The following SAE1 variants were observed in gnomAD, a reference collection of about 807,000 sequenced individuals.
The protein encoded by SAE1 is SUMO-activating enzyme subunit 1.
A neutral mutation model predicts 40.6 loss-of-function variants in SAE1; 11 were observed. The ratio of observed to expected loss-of-function variants is 0.27; its 90% confidence interval spans 0.17 to 0.45. SAE1 has a LOEUF of 0.45. Among genes scored for constraint, SAE1 ranks in the 20% least tolerant of loss-of-function variants. The probability of loss-of-function intolerance (pLI) is 1.00; values close to 1 mark genes in which losing one functional copy is unlikely to be tolerated. For synonymous variants in SAE1, 155 were observed against 154.3 expected (o/e 1.00, Z -0.03); for missense variants, 373 against 427.3 (o/e 0.87, Z 1.12).
intron 6 of SAE1, among the ~76,000 whole-genome samples, chr19:47,195,946 A>T (rs1204683516): frequency 2.8e-5 from 4 of 144,450 alleles, no homozygotes; most frequent in East Asian, 2.0e-4. Flanking sequence ...GTTGCCCAGG[A>T]TTATCTCAAA....
At chr19:47,157,282 CCTTT>C (rs1169912286) in intron 5 of SAE1, among the ~76,000 whole-genome samples, 7 of 152,170 alleles carry the variant, frequency 4.6e-5, no homozygotes, top group Middle Eastern at 3.4e-3. Flanking sequence ...AACTTGGGTG[CCTTT>C]CTTTCTTTTT....
chr19:47,162,254 G>T (rs1415868570), intron 5 of SAE1, among the ~76,000 whole-genome samples: 2 of 151,972 alleles, frequency 1.3e-5, no homozygotes, highest in Non-Finnish European at 2.9e-5. Flanking sequence ...TAAGCATTTG[G>T]GTATGCTCAT....
chr19:47,199,792 A>G (rs780420998), intron 7 of SAE1, among the ~76,000 whole-genome samples: 8 of 152,096 alleles, frequency 5.3e-5, no homozygotes, highest in Non-Finnish European at 1.2e-4. Context: ...CTTCTCACAA[A>G]CTGGTCATTC....
At chr19:47,206,210 A>G (rs759903572) in intron 8 of SAE1, among the ~76,000 whole-genome samples, 59 of 152,168 alleles carry the variant, frequency 3.9e-4, no homozygotes, top group Admixed American at 7.9e-4. Context: ...AGTACTCTGC[A>G]TTCTTCGTTG....
At chr19:47,185,309 T>G (rs1313873777) in intron 6 of SAE1, among the ~76,000 whole-genome samples, 3 of 152,016 alleles carry the variant, frequency 2.0e-5, no homozygotes, top group Non-Finnish European at 2.9e-5. Flanking sequence ...TTCATTTTTA[T>G]TTGTTTACTT....
chr19:47,158,545 G>T (rs2058337574), intron 5 of SAE1, among the ~76,000 whole-genome samples: 1 of 152,170 alleles, frequency 6.6e-6, no homozygotes, highest in African/African-American at 2.4e-5. Flanking sequence ...GTTTGTGTTG[G>T]CATGTGAGGG....
intron 6 of SAE1, 58 bp from the exon 7 acceptor site, chr19:47,197,175 C>T: frequency 6.6e-7 from 1 of 1,519,558 alleles, no homozygotes; most frequent in East Asian, 2.3e-5. Flanking sequence ...TGTGAGCCTC[C>T]ATCTCCAAAA....
intron 8 of SAE1, among the ~76,000 whole-genome samples, chr19:47,207,602 G>C (rs1193980714): frequency 6.6e-6 from 1 of 152,006 alleles, no homozygotes; most frequent in Non-Finnish European, 1.5e-5. Flanking sequence ...TTGTTTCGGG[G>C]GCTGACCCTG....
chr19:47,178,505 A>G (rs1479720154), intron 6 of SAE1, among the ~76,000 whole-genome samples: 1 of 152,162 alleles, frequency 6.6e-6, no homozygotes, highest in Admixed American at 6.5e-5. Flanking sequence ...GACAGAGTCT[A>G]GCTTTGTTGC....
chr19:47,134,698 A>G (rs2058167976), intron 1 of SAE1, among the ~76,000 whole-genome samples: 1 of 152,100 alleles, frequency 6.6e-6, no homozygotes, highest in African/African-American at 2.4e-5. Context: ...GAAGTGGGGC[A>G]AAGTTGGTGA....
intron 5 of SAE1, among the ~76,000 whole-genome samples, chr19:47,160,342 C>T (rs571537667): frequency 3.0e-4 from 45 of 149,752 alleles, no homozygotes; most frequent in African/African-American, 9.6e-4. Context: ...CTGCGTTAGC[C>T]TTCCGAGTAG....
chr19:47,186,748 G>A (rs1008055253), intron 6 of SAE1, among the ~76,000 whole-genome samples: 31 of 152,320 alleles, frequency 2.0e-4, no homozygotes, highest in African/African-American at 7.5e-4. Flanking sequence ...GATGCCTGGT[G>A]AGGTCATAGA....
In SAE1 at chr19:47,143,480, T is replaced by C. The variant is rs369007842; in HGVS notation, c.99-14T>C. The C allele has an allele frequency of 8.3e-5, 133 of 1,597,094 alleles. No homozygotes were observed. The African/African-American group carries it at 1.7e-3, about 20-fold the overall frequency. On this transcript the variant is annotated splice_polypyrimidine_tract_variant and intron_variant, in intron 1 of 8. Transcript: ENST00000270225. ...CTGTTCTGTATCATCAGGTTAACAA[T>C]GTTTGTCTTACAGGCTGCGGGCCTC... is the stretch of plus-strand genomic sequence containing the variant.
At chr19:47,182,496 T>TGTGTGTGTGTGCGCGC (rs143321323) in intron 6 of SAE1, among the ~76,000 whole-genome samples, 81 of 146,034 alleles carry the variant, frequency 5.5e-4, no homozygotes, top group Admixed American at 3.7e-3. Flanking sequence ...TGTGTGTGTG[T>TGTGTGTGTGTGCGCGC]GCGCGCACGC....
chr19:47,182,492 T>TGCGCGCGCACGCAC (rs772312425), intron 6 of SAE1, among the ~76,000 whole-genome samples: 2 of 140,320 alleles, frequency 1.4e-5, no homozygotes, highest in African/African-American at 2.9e-5. Context: ...TGTGTGTGTG[T>TGCGCGCGCACGCAC]GTGTGCGCGC....
At chr19:47,200,464 A>AT (rs1231430511) in intron 7 of SAE1, among the ~76,000 whole-genome samples, 1 of 84,736 alleles carries the variant, frequency 1.2e-5, no homozygotes, top group Non-Finnish European at 2.3e-5. Context: ...GCTGTTTCCT[A>AT]TTTTTTAAAG....
At chr19:47,157,309 AG>A (rs2058330549) in intron 5 of SAE1, among the ~76,000 whole-genome samples, 1 of 152,206 alleles carries the variant, frequency 6.6e-6, no homozygotes, top group Admixed American at 6.5e-5. Context: ...GGCCCAGTCA[AG>A]ATTTATCTGA....
At chr19:47,167,745 T>TC (rs778118040) in intron 5 of SAE1, among the ~76,000 whole-genome samples, 2 of 151,078 alleles carry the variant, frequency 1.3e-5, no homozygotes, top group Admixed American at 6.6e-5. Context: ...ATTATTTGCA[T>TC]CCCCCCCACC....
intron 1 of SAE1, among the ~76,000 whole-genome samples, chr19:47,136,572 C>T (rs377640369): frequency 6.8e-6 from 1 of 147,448 alleles, no homozygotes; most frequent in African/African-American, 2.5e-5. Context: ...CTCAGCTCAC[C>T]GCAACCCTTG....
Sources: gnomAD v4.1 joint callset for allele counts (sites outside exome capture counted in the v4.1 genomes callset) on GRCh38, gnomAD v4.1.1 for gene constraint, MANE v1.5 for transcripts, NCBI Gene and HGNC (gene_info 2026-07-23, HGNC 2026-07-21) for gene names.